EDN3: variants seen among roughly 807,000 people sequenced by gnomAD.
The protein encoded by EDN3 is endothelin-3.
EDN3 carries 9 observed loss-of-function variants against 21.4 expected under a neutral mutation model. That is an observed-to-expected ratio of 0.42 (90% confidence interval 0.25 to 0.73). The LOEUF is 0.73. EDN3 is among the 30% of genes least tolerant of loss of function. The probability of loss-of-function intolerance (pLI) is 0.26; values close to 1 mark genes in which losing one functional copy is unlikely to be tolerated. For synonymous variants in EDN3, 133 were observed against 126.2 expected (o/e 1.05, Z -0.36); for missense variants, 327 against 309.4 (o/e 1.06, Z -0.43).
At chr20:59,323,413 C>A (rs11570346) in intron 4 of EDN3, among the ~76,000 whole-genome samples, 1 of 152,126 alleles carries the variant, frequency 6.6e-6, no homozygotes, top group African/African-American at 2.4e-5. Flanking sequence ...TTTATTCATT[C>A]GCTTATGCAT....
chr20:59,302,473 A>G (rs904722720), intron 2 of EDN3, among the ~76,000 whole-genome samples: 5 of 152,106 alleles, frequency 3.3e-5, no homozygotes, highest in Non-Finnish European at 5.9e-5. Context: ...TCCTGGGGCC[A>G]TGTGGAGAGA....
intron 2 of EDN3, among the ~76,000 whole-genome samples, chr20:59,320,506 ATTCT>A (rs1387189130): frequency 6.6e-6 from 1 of 152,190 alleles, no homozygotes; most frequent in African/African-American, 2.4e-5. Context: ...GTTGTCTTTA[ATTCT>A]TTCTCGGCTT....
Position 59,324,528 on chromosome 20 carries a change from A to G in EDN3, c.*69A>G, listed in dbSNP as rs1990734922. On this transcript the variant is annotated 3_prime_UTR_variant, in exon 5 of 5. Transcript: ENST00000337938. ...TTGCTCACACACAGTTCAGATTTCC[A>G]CCTCTTTATAGACAAGAAGTGAATT... The G allele has an allele frequency of 6.2e-7, 1 of 1,605,320 alleles. No homozygotes were observed. The highest frequency in any genetic ancestry group is 1.4e-5 in the African/African-American group (1 of 73,936).
At chr20:59,306,610 A>AAAAAAAAAAAAAAAAAAAAAAAAAT (rs1231441853) in intron 2 of EDN3, among the ~76,000 whole-genome samples, 1 of 151,792 alleles carries the variant, frequency 6.6e-6, no homozygotes, top group Non-Finnish European at 1.5e-5. Flanking sequence ...AAAAAAAAAA[A>AAAAAAAAAAAAAAAAAAAAAAAAAT]AAAAAAAAAG....
intron 2 of EDN3, among the ~76,000 whole-genome samples, chr20:59,309,710 C>G (rs2146841522): frequency 6.6e-6 from 1 of 152,200 alleles, no homozygotes; most frequent in Non-Finnish European, 1.5e-5. Flanking sequence ...CACTGGACGG[C>G]AAGATACTTC....
chr20:59,321,295 A>T (rs1221784701), intron 3 of EDN3, 102 bp downstream of exon 3: 2 of 1,355,604 alleles, frequency 1.5e-6, no homozygotes, highest in Admixed American at 1.7e-5. Flanking sequence ...TAGTTCAGTC[A>T]CATCCTGACC....
At chr20:59,310,048 A>G (rs1337748187) in intron 2 of EDN3, among the ~76,000 whole-genome samples, 1 of 152,186 alleles carries the variant, frequency 6.6e-6, no homozygotes, top group South Asian at 2.1e-4. Flanking sequence ...TTGGCCTTCA[A>G]TCTGAAGGCA....
At chr20:59,308,404 T>A (rs1031508408) in intron 2 of EDN3, among the ~76,000 whole-genome samples, 5 of 152,168 alleles carry the variant, frequency 3.3e-5, no homozygotes, top group African/African-American at 1.2e-4. Flanking sequence ...CACACTTTGG[T>A]TTAGAGACTC....
In EDN3 at chr20:59,325,132, C is replaced by T. The variant is rs1010248036; in HGVS notation, c.*673C>T. The T allele has an allele frequency of 1.9e-5, 3 of 156,702 alleles. No individual in the cohort carries two copies. The highest frequency in any genetic ancestry group is 7.2e-5 in the African/African-American group (3 of 41,476). The allele number at this position is 156,702 out of a possible 1,614,324, so 9.7% of individuals were successfully genotyped here. On this transcript the variant is annotated 3_prime_UTR_variant, in exon 5 of 5. Transcript: ENST00000337938. ...AGTATCTGCAATACAGAGCTTGTTCCTGTTCAGTGACTGACCCTCTGTATT... is the reference window on the plus strand; with the variant it reads ...AGTATCTGCAATACAGAGCTTGTTCTTGTTCAGTGACTGACCCTCTGTATT...
intron 2 of EDN3, among the ~76,000 whole-genome samples, chr20:59,306,996 A>G (rs1223753125): frequency 3.3e-5 from 5 of 152,148 alleles, no homozygotes; most frequent in Non-Finnish European, 7.4e-5. Flanking sequence ...AATACAAAAA[A>G]TAGCCAGGCA....
At chr20:59,316,051 T>G (rs1990158727) in intron 2 of EDN3, among the ~76,000 whole-genome samples, 1 of 151,970 alleles carries the variant, frequency 6.6e-6, no homozygotes, top group South Asian at 2.1e-4. Flanking sequence ...CTGGGTGTGG[T>G]GGTGTGTGCC....
intron 2 of EDN3, among the ~76,000 whole-genome samples, chr20:59,319,726 C>CAAAAAAAAAAAAAAAAA (rs528500611): frequency 3.8e-5 from 2 of 52,278 alleles, no homozygotes; most frequent in Admixed American, 2.2e-4. Flanking sequence ...GACTCTGTCT[C>CAAAAAAAAAAAAAAAAA]AAAAAAAAAA....
At chr20:59,316,323 C>T (rs1990184405) in intron 2 of EDN3, among the ~76,000 whole-genome samples, 1 of 152,188 alleles carries the variant, frequency 6.6e-6, no homozygotes, top group African/African-American at 2.4e-5. Flanking sequence ...TAAGTTTTAC[C>T]CGGAGTCTAG....
Position 59,322,384 on chromosome 20 carries a change from G to A in EDN3, c.555G>A (p.Thr185=), listed in dbSNP as rs770991287. ...TCTCTCCCCACAGTAATTCAAGGAC[G>A]GCAGAAAAAACAGACAAAGAAGAGG... ...QTLDVSSNSR[T]AEKTDKEEEG... The change falls in exon 4 of 5, where the codon ACG becomes ACA. Residue 185 remains threonine (T), a synonymous_variant. Transcript: ENST00000337938. This position sits in a 1 kb window ranked among gnomAD's most constrained non-coding sequence, Gnocchi z 4.1. The A allele has an allele frequency of 1.4e-5, 23 of 1,614,154 alleles. No individual in the cohort carries two copies. Among genetic ancestry groups the A allele is most frequent in the Admixed American group, 6.7e-5 (4 of 60,028 alleles).
chr20:59,309,100 T>C (rs1184024476), intron 2 of EDN3, among the ~76,000 whole-genome samples: 1 of 152,236 alleles, frequency 6.6e-6, no homozygotes, highest in Non-Finnish European at 1.5e-5. Flanking sequence ...TTCTGCTTTC[T>C]ATTGCTTCCC....
At position 59,305,730 on chromosome 20, in the gene EDN3, G is replaced by A. The variant is rs192991017; in HGVS notation, c.365+4008G>A. ...TCCCGAGGGAGTTGATGTCAAGGAGGTCTGGAAGCAGAATTCTTTTCTGTT... is the reference window on the plus strand; with the variant it reads ...TCCCGAGGGAGTTGATGTCAAGGAGATCTGGAAGCAGAATTCTTTTCTGTT... On this transcript the variant is annotated intron_variant, in intron 2 of 4. Coordinates refer to ENST00000337938, the MANE Select transcript of EDN3 (RefSeq NM_207034.3). This position sits in a 1 kb window ranked among gnomAD's most constrained non-coding sequence, Gnocchi z 4.2. 3.9e-5 allele frequency among the ~76,000 whole-genome samples: 6 copies of A among 152,344 alleles called. No homozygotes were observed. The highest frequency in any genetic ancestry group is 2.0e-4 in the Admixed American group (3 of 15,308).
intron 2 of EDN3, among the ~76,000 whole-genome samples, chr20:59,313,526 A>G (rs1167764366): frequency 6.6e-6 from 1 of 152,064 alleles, no homozygotes; most frequent in Non-Finnish European, 1.5e-5. Context: ...TTTGAGGGGG[A>G]AAGGAGGGGG....
At chr20:59,318,695 T>C (rs561120471) in intron 2 of EDN3, among the ~76,000 whole-genome samples, 2 of 152,368 alleles carry the variant, frequency 1.3e-5, no homozygotes, top group South Asian at 2.1e-4. Context: ...ACCAGCACTT[T>C]ACCGCGCTTG....
intron 2 of EDN3, among the ~76,000 whole-genome samples, chr20:59,303,444 G>T (rs1030334698): frequency 8.5e-5 from 13 of 152,326 alleles, no homozygotes; most frequent in Non-Finnish European, 1.5e-4. Context: ...ATAGAATGGA[G>T]GGCACTGGGC....
Sources: gnomAD v4.1 joint callset for allele counts (sites outside exome capture counted in the v4.1 genomes callset) on GRCh38, gnomAD v4.1.1 for gene constraint, Gnocchi (gnomAD v3.1) non-coding constraint, MANE v1.5 for transcripts, NCBI Gene and HGNC (gene_info 2026-07-23, HGNC 2026-07-21) for gene names.